PPP1R12A: variants seen among roughly 807,000 people sequenced by gnomAD.
The protein encoded by PPP1R12A is protein phosphatase 1 regulatory subunit 12A, also known as myosin binding subunit.
A neutral mutation model predicts 139.6 loss-of-function variants in PPP1R12A; 19 were observed. That is an observed-to-expected ratio of 0.14 (90% CI 0.09 to 0.20). PPP1R12A has a LOEUF of 0.20. Among genes scored for constraint, PPP1R12A ranks in the 10% least tolerant of loss-of-function variants. The pLI is 1.00. For synonymous variants in PPP1R12A, 427 were observed against 420.6 expected, an observed-to-expected ratio of 1.02 and a Z score of -0.19; for missense variants, 925 against 1,211.5, an observed-to-expected ratio of 0.76 and a Z score of 3.51.
intron 1 of PPP1R12A, among the ~76,000 whole-genome samples, chr12:79,873,212 T>C (rs1443672062): frequency 6.6e-6 from 1 of 152,062 alleles, no homozygotes; most frequent in African/African-American, 2.4e-5. Context: ...AATGAAGACA[T>C]TATAATTAAG....
intron 1 of PPP1R12A, among the ~76,000 whole-genome samples, chr12:79,896,800 C>T (rs1260477556): frequency 2.0e-5 from 3 of 152,186 alleles, no homozygotes; most frequent in African/African-American, 7.2e-5. Context: ...GGCACCAACT[C>T]ACAGCATAAA....
intron 20 of PPP1R12A, chr12:79,789,628 T>C (rs1300698755): frequency 4.4e-6 from 2 of 453,562 alleles, no homozygotes; most frequent in Non-Finnish European, 8.8e-6. Context: ...GGCTCTGCAT[T>C]TCAATTCAAT....
chr12:79,778,572 G>A lies in PPP1R12A; in HGVS notation c.2984C>T (p.Ser995Phe). 1 of 1,534,956 alleles carries A rather than the reference G, an allele frequency of 6.5e-7. No homozygotes were observed. The highest frequency in any genetic ancestry group is 2.4e-5 in the East Asian group (1 of 41,270). The change falls in exon 24 of 25, where the codon TCT becomes TTT. Residue 995 changes from serine (S) to phenylalanine (F), a missense_variant. By Grantham distance (155) the Ser-to-Phe change is radical. Coordinates refer to ENST00000450142, the MANE Select transcript of PPP1R12A (RefSeq NM_002480.3). ...TACTTTGAGCTCTTCTTCCATTTCA[G>A]ATATTCTTCTTTCTAGAGCTCTTCG... ...RERRALERRI[S>F]EMEEELKMLP...
chr12:79,935,175 C>T, upstream of PPP1R12A: 1 of 1,332,862 alleles, frequency 7.5e-7, no homozygotes, highest in Non-Finnish European at 9.6e-7. Flanking sequence ...CACCCGTCAC[C>T]GGCGGCCAAT....
intron 1 of PPP1R12A, among the ~76,000 whole-genome samples, chr12:79,918,177 T>C (rs905333487): frequency 1.3e-5 from 2 of 151,786 alleles, no homozygotes; most frequent in African/African-American, 4.8e-5. Flanking sequence ...AAAAACATAA[T>C]CACGAATCTG....
intron 2 of PPP1R12A, among the ~76,000 whole-genome samples, chr12:79,852,902 A>G (rs968778089): frequency 1.3e-5 from 2 of 152,216 alleles, no homozygotes; most frequent in Non-Finnish European, 2.9e-5. Context: ...GATGCCACTT[A>G]GCAGGGAAGG....
intron 1 of PPP1R12A, among the ~76,000 whole-genome samples, chr12:79,899,236 ATATATATATATATAT>A (rs1885414326): frequency 8.3e-4 from 3 of 3,614 alleles, no homozygotes; most frequent in African/African-American, 9.8e-4. Flanking sequence ...TCTTAAAAAT[ATATATATATATATAT>A]ATATATATAT....
intron 3 of PPP1R12A, among the ~76,000 whole-genome samples, chr12:79,842,575 T>G (rs1331958855): frequency 2.8e-5 from 4 of 143,934 alleles, no homozygotes; most frequent in East Asian, 2.0e-4. Flanking sequence ...ATGTGGCACT[T>G]TGTGTGTGTG....
intron 7 of PPP1R12A, 66 bp downstream of exon 7, chr12:79,821,012 C>G: frequency 6.3e-7 from 1 of 1,594,008 alleles, no homozygotes; most frequent in Non-Finnish European, 8.6e-7. Context: ...CCACAATAAT[C>G]ATGCCTGTGG....
Position 79,931,827 on chromosome 12 carries a change from G to T in PPP1R12A, c.237+2868C>A, listed in dbSNP as rs568542280. Among the ~76,000 whole-genome samples the T allele has an allele frequency of 5.3e-5, 8 of 152,200 alleles. No individual in the cohort carries two copies. The South Asian group carries it at 1.7e-3, about 32-fold the overall frequency. On this transcript the variant is annotated intron_variant, in intron 1 of 24. Coordinates refer to ENST00000450142, the MANE Select transcript of PPP1R12A (RefSeq NM_002480.3). ...GGTGGGGGAGAAAGGCTACTCTGGA[G>T]ACTAAGATAGGAAATTTGACAAGAA...
At chr12:79,867,606 A>T (rs1882116383) in intron 2 of PPP1R12A, among the ~76,000 whole-genome samples, 1 of 152,170 alleles carries the variant, frequency 6.6e-6, no homozygotes, top group South Asian at 2.1e-4. Context: ...CATAAGGAGA[A>T]ATAATAAAGA....
intron 3 of PPP1R12A, among the ~76,000 whole-genome samples, chr12:79,841,801 A>C (rs557849440): frequency 6.6e-6 from 1 of 152,282 alleles, no homozygotes; most frequent in South Asian, 2.1e-4. Flanking sequence ...TCTTTAGTTT[A>C]CTCAATTCTA....
intron 1 of PPP1R12A, among the ~76,000 whole-genome samples, chr12:79,892,145 A>G (rs1004055658): frequency 6.6e-6 from 1 of 152,202 alleles, no homozygotes; most frequent in African/African-American, 2.4e-5. Context: ...GTATCCAAAC[A>G]TTATGTTCCC....
At chr12:79,786,755 C>G (rs1437642708) in intron 21 of PPP1R12A, 7 of 239,270 alleles carry the variant, frequency 2.9e-5, no homozygotes, top group South Asian at 1.3e-4. Context: ...ATTCAGTTAT[C>G]TGATAAAGAG....
At chr12:79,790,323 G>A in intron 20 of PPP1R12A, 144 bp downstream of exon 20, 1 of 513,162 alleles carries the variant, frequency 1.9e-6, no homozygotes, top group Non-Finnish European at 3.3e-6. Context: ...AAGAAAGCTA[G>A]TAACAATGAT....
intron 1 of PPP1R12A, among the ~76,000 whole-genome samples, chr12:79,901,072 A>G (rs1355130980): frequency 6.6e-6 from 1 of 152,220 alleles, no homozygotes; most frequent in Admixed American, 6.5e-5. Flanking sequence ...AGTTAAGTAA[A>G]TAAACAATTA....
chr12:79,844,597 G>C (rs1231410562), intron 3 of PPP1R12A, among the ~76,000 whole-genome samples: 1 of 151,968 alleles, frequency 6.6e-6, no homozygotes, highest in Non-Finnish European at 1.5e-5. Context: ...TCCTACTTCT[G>C]TCCTTGTCTT....
intron 13 of PPP1R12A, 196 bp from the exon 14 acceptor site, chr12:79,805,964 A>T: frequency 1.1e-6 from 1 of 940,816 alleles, no homozygotes; most frequent in Non-Finnish European, 1.5e-6. Flanking sequence ...AAGCAGTCTA[A>T]TTCAAGGAAA....
At chr12:79,813,192 T>C (rs947576429) in intron 9 of PPP1R12A, among the ~76,000 whole-genome samples, 2 of 152,196 alleles carry the variant, frequency 1.3e-5, no homozygotes, top group African/African-American at 4.8e-5. Context: ...ATATGCACCC[T>C]ATAAATCAAT....
Sources: allele counts gnomAD v4.1 joint callset (sites outside exome capture counted in the v4.1 genomes callset), GRCh38; gene constraint gnomAD v4.1.1; transcripts MANE v1.5; gene names NCBI Gene and HGNC (gene_info 2026-07-23, HGNC 2026-07-21).